SLC2A10: variants seen among roughly 807,000 people sequenced by gnomAD.
SLC2A10 encodes solute carrier family 2, facilitated glucose transporter member 10.
SLC2A10 carries 25 observed loss-of-function variants against 32.1 expected under a neutral mutation model. The ratio of observed to expected loss-of-function variants is 0.78; its 90% CI spans 0.57 to 1.09. The LOEUF (loss-of-function observed/expected upper bound fraction) is 1.09. Among genes scored for constraint, SLC2A10 ranks in the 50% least tolerant of loss-of-function variants. The probability of loss-of-function intolerance (pLI) is 0.00; values close to 1 mark genes in which losing one functional copy is unlikely to be tolerated. For missense variants in SLC2A10, 673 were observed against 686.5 expected (o/e 0.98, Z 0.22); for synonymous variants, 332 against 309.6 (o/e 1.07, Z -0.76).
chr20:46,720,698 T>C (rs1979503450), intron 1 of SLC2A10, among the ~76,000 whole-genome samples: 1 of 152,214 alleles, frequency 6.6e-6, no homozygotes, highest in Non-Finnish European at 1.5e-5. Flanking sequence ...TACTCAGGAA[T>C]CTTTATTCCA....
chr20:46,731,266 C>G (rs1448452617), intron 4 of SLC2A10, among the ~76,000 whole-genome samples: 3 of 152,124 alleles, frequency 2.0e-5, no homozygotes, highest in African/African-American at 7.2e-5. Flanking sequence ...CCCCACATAC[C>G]TGCCAGAGGA....
rs147466981 is a variant in SLC2A10 at position 46,713,583 on chromosome 20, T to C, written c.4+3843T>C. On this transcript the variant is annotated intron_variant, in intron 1 of 4. Coordinates refer to ENST00000359271, the MANE Select transcript of SLC2A10 (RefSeq NM_030777.4). ...AGTCTTGAAGGCCACGGTGAGGACG[T>C]TGGCTTTTCTTAGACTGAAATAGGA... Among the ~76,000 whole-genome samples, 171 of 152,222 alleles carry C rather than the reference T, an allele frequency of 1.1e-3. 3 individuals are homozygous for C. The East Asian group carries it at 0.03, about 27-fold the overall frequency.
Position 46,725,370 on chromosome 20 carries a change from A to G in SLC2A10, c.334A>G (p.Ile112Val), listed in dbSNP as rs1979835073. The change falls in exon 2 of 5, where the codon ATT becomes GTT. Residue 112 changes from isoleucine to valine, a missense_variant. Physicochemically the swap from Ile to Val is conservative, Grantham distance 29. Transcript: ENST00000359271. ...GGGCCGCGCTGTGGTTGGCTTCGCC[A>G]TTTCCCTCTCCTCCATGGCTTGCTG... ...VLGRAVVGFA[I>V]SLSSMACCIY... The G allele has an allele frequency of 1.2e-6, 2 of 1,614,044 alleles. No homozygotes were observed. Among genetic ancestry groups the G allele is most frequent in the Non-Finnish European group, 1.7e-6 (2 of 1,180,024 alleles).
chr20:46,725,015 C>G, intron 1 of SLC2A10, 26 bp from the exon 2 acceptor site: 1 of 1,614,126 alleles, frequency 6.2e-7, no homozygotes. Context: ...CATTCTAACT[C>G]TGTCCCTCTC....
intron 3 of SLC2A10, among the ~76,000 whole-genome samples, chr20:46,727,694 G>A (rs1397655162): frequency 6.6e-6 from 1 of 152,132 alleles, no homozygotes; most frequent in Non-Finnish European, 1.5e-5. Flanking sequence ...AGGTGTGGTG[G>A]GATGGGGTGG....
At chr20:46,718,216 C>A (rs532033087) in intron 1 of SLC2A10, among the ~76,000 whole-genome samples, 96 of 151,672 alleles carry the variant, frequency 6.3e-4, no homozygotes, top group Non-Finnish European at 1.2e-3. Flanking sequence ...GAGACCTCAT[C>A]TTAGAAAAAA....
At chr20:46,733,621 A>AAGGCAGG in intron 4 of SLC2A10, 135 bp from the exon 5 acceptor site, 2 of 751,398 alleles carry the variant, frequency 2.7e-6, no homozygotes, top group Non-Finnish European at 4.8e-6. Flanking sequence ...CATTTGTAAT[A>AAGGCAGG]AGGCAGGAGG....
chr20:46,728,776 C>A (rs112532423), intron 3 of SLC2A10, among the ~76,000 whole-genome samples: 3,710 of 151,650 alleles, frequency 0.024, 127 homozygotes, highest in African/African-American at 0.076. Context: ...TGCCACCATG[C>A]CCAGCTAATT....
rs1568985108 is a variant in SLC2A10 at position 46,725,331 on chromosome 20, G to A, written c.295G>A (p.Ala99Thr). ...GACCCTGGGCCTGGCTGGTTCCCTG[G>A]CCTGGCTGGTCCTGGGCCGCGCTGT... ...SLTLGLAGSLAWLVLGRAVVG... is the reference protein window; with the variant it reads ...SLTLGLAGSLTWLVLGRAVVG... The change falls in exon 2 of 5, where the codon GCC (alanine) becomes ACC (threonine). Residue 99 changes from alanine to threonine, a missense_variant. Coordinates refer to ENST00000359271, the MANE Select transcript of SLC2A10 (RefSeq NM_030777.4). 18 of 1,614,086 alleles carry A rather than the reference G, an allele frequency of 1.1e-5. No homozygotes were observed. Among genetic ancestry groups the A allele is most frequent in the Non-Finnish European group, 1.5e-5 (18 of 1,180,038 alleles).
chr20:46,709,871 C>A, intron 1 of SLC2A10, 131 bp downstream of exon 1: 2 of 1,134,004 alleles, frequency 1.8e-6, no homozygotes. Flanking sequence ...TACCGCCTCT[C>A]GGGTGGCCAG....
In SLC2A10 at chr20:46,724,925, A is replaced by G. The variant is rs183563269; in HGVS notation, c.5-116A>G. 7,810 of 1,324,490 alleles carry G rather than the reference A, an allele frequency of 5.9e-3. 33 individuals carry two copies. The highest frequency in any genetic ancestry group is 7.0e-3 in the Non-Finnish European group (6,686 of 948,664). 82.0% of individuals were successfully genotyped at this position (1,324,490 alleles called of 1,614,324 possible). A position where few individuals can be genotyped will look rare whatever the true frequency, so the allele number is the denominator to read the frequency against. Reference sequence around the variant, plus strand: ...GGATGGTTTGAATGGATGGTTGAATAGATGGAGTAGATGGATGGATAAATG... The same window carrying G: ...GGATGGTTTGAATGGATGGTTGAATGGATGGAGTAGATGGATGGATAAATG... On this transcript the variant is annotated intron_variant, in intron 1 of 4. Transcript: ENST00000359271.
chr20:46,709,639 C>G, upstream of SLC2A10: 1 of 1,446,210 alleles, frequency 6.9e-7, no homozygotes. Context: ...GGGGGCGGGC[C>G]GGAAAGTTTG....
At position 46,709,677 on chromosome 20, in the gene SLC2A10, G is replaced by A; in HGVS notation, c.-60G>A. On this transcript the variant is annotated 5_prime_UTR_variant, in exon 1 of 5. Transcript: ENST00000359271. ...CGGCGGCAGCGGCGTTGGGGACTCCGGCGGGGGATGCGCGCCCGGCCCCTC... is the reference window on the plus strand; with the variant it reads ...CGGCGGCAGCGGCGTTGGGGACTCCAGCGGGGGATGCGCGCCCGGCCCCTC... 3.9e-6 allele frequency: 6 copies of A among 1,532,856 alleles called. No individual in the cohort carries two copies. Among genetic ancestry groups the A allele is most frequent in the Non-Finnish European group, 5.3e-6 (6 of 1,140,482 alleles). 95.0% of individuals were successfully genotyped at this position (1,532,856 alleles called of 1,614,324 possible).
intron 1 of SLC2A10, among the ~76,000 whole-genome samples, chr20:46,716,973 G>T (rs1219365808): frequency 6.6e-6 from 1 of 151,996 alleles, no homozygotes; most frequent in Non-Finnish European, 1.5e-5. Flanking sequence ...CAGTGAGCCG[G>T]AATTACGCCA....
chr20:46,733,745 TTGTC>T lies in SLC2A10; in HGVS notation c.1548-8_1548-5del, dbSNP rs765987245. On this transcript the variant is annotated splice_polypyrimidine_tract_variant and splice_region_variant and intron_variant, in intron 4 of 4. Transcript: ENST00000359271. ...GCCACCCCCTGATCCCACGCATTCT[TTGTC>T]TGACAGGTTCACCCTGAGCTTTGGC... is the stretch of plus-strand genomic sequence containing the variant. 9.9e-6 allele frequency: 16 copies of T among 1,613,548 alleles called. No homozygotes were observed. The South Asian group carries it at 1.1e-4, about 11-fold the overall frequency.
At chr20:46,713,285 C>A (rs1979038428) in intron 1 of SLC2A10, among the ~76,000 whole-genome samples, 2 of 151,724 alleles carry the variant, frequency 1.3e-5, no homozygotes, top group South Asian at 4.2e-4. Flanking sequence ...AAGTGCCACG[C>A]AGAAAAAACA....
chr20:46,709,249 C>CT (rs1488004012), upstream of SLC2A10, among the ~76,000 whole-genome samples: 1 of 150,036 alleles, frequency 6.7e-6, no homozygotes, highest in East Asian at 2.0e-4. Context: ...GAGTGTCTCA[C>CT]TCGGTGTAGA....
intron 1 of SLC2A10, among the ~76,000 whole-genome samples, chr20:46,718,105 C>G (rs931360224): frequency 6.6e-6 from 1 of 152,058 alleles, no homozygotes; most frequent in African/African-American, 2.4e-5. Context: ...TGTCTATAGT[C>G]CCAGCTGCTT....
chr20:46,727,531 G>C (rs1436452311), intron 3 of SLC2A10, among the ~76,000 whole-genome samples: 1 of 152,082 alleles, frequency 6.6e-6, no homozygotes. Flanking sequence ...AGGTTGGCCA[G>C]GCTGGTCTTG....
Sources: allele counts gnomAD v4.1 joint callset (sites outside exome capture counted in the v4.1 genomes callset), GRCh38; gene constraint gnomAD v4.1.1; transcripts MANE v1.5; gene names NCBI Gene and HGNC (gene_info 2026-07-23, HGNC 2026-07-21).